The following SEMA3E variants were observed in gnomAD, a reference collection of about 807,000 sequenced individuals.
SEMA3E encodes the protein semaphorin 3E, also known as semaphorin-3E.
A neutral mutation model predicts 93.6 loss-of-function variants in SEMA3E; 49 were observed. That is an observed-to-expected ratio of 0.52 (90% CI 0.42 to 0.66). SEMA3E has a LOEUF of 0.66. Among genes scored for constraint, SEMA3E ranks in the 30% least tolerant of loss-of-function variants. The probability of loss-of-function intolerance (pLI) is 0.00; values close to 1 mark genes in which losing one functional copy is unlikely to be tolerated. For synonymous variants in SEMA3E, 363 were observed against 330.7 expected, an observed-to-expected ratio of 1.10 and a Z score of -1.06; for missense variants, 906 against 964.8, an observed-to-expected ratio of 0.94 and a Z score of 0.81.
At position 83,440,210 on chromosome 7, in the gene SEMA3E, T is replaced by C. The variant is rs554460099; in HGVS notation, c.457-21727A>G. ...CTGGGCTCAACATTGGGAAGTACAA[T>C]TAGTATAATGAGTGCCTCAGTGTGA... On this transcript the variant is annotated intron_variant, in intron 4 of 16. Coordinates refer to ENST00000643230, the MANE Select transcript of SEMA3E (RefSeq NM_012431.3). Among the ~76,000 whole-genome samples, 153 of 152,240 alleles carry C rather than the reference T, an allele frequency of 1.0e-3. 1 individual carries two copies. The highest frequency in any genetic ancestry group is 4.4e-4 in the Non-Finnish European group (30 of 68,018).
chr7:83,585,609 G>C (rs1792611029), intron 1 of SEMA3E, among the ~76,000 whole-genome samples: 1 of 152,170 alleles, frequency 6.6e-6, no homozygotes, highest in Non-Finnish European at 1.5e-5. Flanking sequence ...AGCTCCTTCT[G>C]AATTCTCTTA....
chr7:83,553,241 G>A (rs1401386107), intron 1 of SEMA3E, among the ~76,000 whole-genome samples: 1 of 151,968 alleles, frequency 6.6e-6, no homozygotes, highest in African/African-American at 2.4e-5. Context: ...TTGAAATATT[G>A]GGGGTGGGTT....
At chr7:83,427,046 A>G (rs1788786379) in intron 4 of SEMA3E, among the ~76,000 whole-genome samples, 1 of 152,134 alleles carries the variant, frequency 6.6e-6, no homozygotes, top group South Asian at 2.1e-4. Flanking sequence ...AAAGATTGAA[A>G]TATAAAAATG....
At chr7:83,619,904 C>CAGACACATAGATAGATAGAT (rs71522672) in intron 1 of SEMA3E, among the ~76,000 whole-genome samples, 2 of 148,040 alleles carry the variant, frequency 1.4e-5, no homozygotes, top group African/African-American at 5.1e-5. Flanking sequence ...GATAGATAGA[C>CAGACACATAGATAGATAGAT]AGATAGATAG....
At chr7:83,565,670 T>C (rs1162905293) in intron 1 of SEMA3E, among the ~76,000 whole-genome samples, 1 of 152,174 alleles carries the variant, frequency 6.6e-6, no homozygotes, top group East Asian at 1.9e-4. Flanking sequence ...ACTTAAAAAT[T>C]GTTTTTTAGA....
intron 1 of SEMA3E, among the ~76,000 whole-genome samples, chr7:83,529,441 T>A (rs1183309576): frequency 1.3e-5 from 2 of 152,160 alleles, no homozygotes; most frequent in Non-Finnish European, 2.9e-5. Context: ...CTAGCAAATA[T>A]GTTTTATAAA....
chr7:83,390,054 C>T (rs868738103), intron 14 of SEMA3E, among the ~76,000 whole-genome samples: 1,472 of 26,388 alleles, frequency 0.056, 12 homozygotes, highest in South Asian at 0.11. Flanking sequence ...TGCGCGTATA[C>T]GTGTGCACAT....
intron 1 of SEMA3E, among the ~76,000 whole-genome samples, chr7:83,498,003 G>A (rs1346918925): frequency 6.6e-6 from 1 of 152,090 alleles, no homozygotes; most frequent in East Asian, 1.9e-4. Flanking sequence ...AAATATGTAA[G>A]TGAAGATGTA....
intron 1 of SEMA3E, among the ~76,000 whole-genome samples, chr7:83,601,783 C>G (rs1472624191): frequency 1.3e-5 from 2 of 152,118 alleles, no homozygotes; most frequent in African/African-American, 4.8e-5. Flanking sequence ...ACTGTCAGGT[C>G]CTGATGCTTC....
chr7:83,574,835 A>C (rs1792366590), intron 1 of SEMA3E, among the ~76,000 whole-genome samples: 1 of 152,182 alleles, frequency 6.6e-6, no homozygotes. Flanking sequence ...CCAGCTGACC[A>C]CAGTCACATG....
chr7:83,399,313 T>C (rs563153756), intron 11 of SEMA3E, among the ~76,000 whole-genome samples: 2 of 152,304 alleles, frequency 1.3e-5, no homozygotes, highest in Non-Finnish European at 2.9e-5. Flanking sequence ...ACAAGTTAGA[T>C]CTAATGTATG....
chr7:83,383,812 A>G (rs913764643), intron 16 of SEMA3E, among the ~76,000 whole-genome samples: 2 of 151,962 alleles, frequency 1.3e-5, no homozygotes, highest in Non-Finnish European at 2.9e-5. Context: ...AGTGAGGAAA[A>G]CCACTGATAA....
intron 1 of SEMA3E, among the ~76,000 whole-genome samples, chr7:83,599,321 G>C (rs1792937068): frequency 6.6e-6 from 1 of 152,116 alleles, no homozygotes; most frequent in South Asian, 2.1e-4. Context: ...TCCCCTTCTA[G>C]AGGGGTAAAG....
At position 83,548,559 on chromosome 7, in the gene SEMA3E, C is replaced by A. The variant is rs983242280; in HGVS notation, c.116-58285G>T. 2.6e-5 allele frequency among the ~76,000 whole-genome samples: 4 copies of A among 151,970 alleles called. No individual in the cohort carries two copies. In the South Asian group the frequency reaches 8.3e-4, roughly 31 times the overall value. On this transcript the variant is annotated intron_variant, in intron 1 of 16. Transcript: ENST00000643230. ...TAGAGATCTTTAGAGTCTTTTATAT[C>A]TAGAAAGAGTATTTGGTAAGTGGAT...
chr7:83,446,588 G>A (rs572911585), intron 4 of SEMA3E, among the ~76,000 whole-genome samples: 1 of 152,334 alleles, frequency 6.6e-6, no homozygotes, highest in East Asian at 1.9e-4. Flanking sequence ...TGGAAAAGCA[G>A]TGGAAGGTAT....
chr7:83,486,157 A>G (rs1790248277), intron 2 of SEMA3E, among the ~76,000 whole-genome samples: 1 of 152,142 alleles, frequency 6.6e-6, no homozygotes, highest in East Asian at 1.9e-4. Flanking sequence ...AGCTGGGACT[A>G]CAGGCATGTA....
intron 1 of SEMA3E, 43 bp from the exon 2 acceptor site, chr7:83,490,317 G>T (rs554806829): frequency 7.5e-6 from 12 of 1,592,106 alleles, no homozygotes; most frequent in Non-Finnish European, 9.4e-6. Context: ...ACGAGAAAAT[G>T]TAAATACCTT....
intron 4 of SEMA3E, among the ~76,000 whole-genome samples, chr7:83,425,707 A>G (rs531062475): frequency 6.6e-6 from 1 of 152,178 alleles, no homozygotes; most frequent in South Asian, 2.1e-4. Flanking sequence ...TTGCCTGGAT[A>G]TCATTCTGAA....
chr7:83,577,875 A>G (rs1351596645), intron 1 of SEMA3E, among the ~76,000 whole-genome samples: 2 of 152,074 alleles, frequency 1.3e-5, no homozygotes, highest in Non-Finnish European at 1.5e-5. Flanking sequence ...ATCTCATAAC[A>G]TTTATATTTA....
Sources: gnomAD v4.1 joint callset for allele counts (sites outside exome capture counted in the v4.1 genomes callset) on GRCh38, gnomAD v4.1.1 for gene constraint, MANE v1.5 for transcripts, NCBI Gene and HGNC (gene_info 2026-07-23, HGNC 2026-07-21) for gene names.